The following MICALL2 variants were observed in gnomAD, a reference collection of about 807,000 sequenced individuals.
MICALL2 encodes the protein MICAL-like protein 2.
A neutral mutation model predicts 91.1 loss-of-function variants in MICALL2; 111 were observed. The observed-to-expected ratio is 1.22, with a 90% CI of 1.04 to 1.43. The LOEUF (loss-of-function observed/expected upper bound fraction) is 1.43, where lower values mean the gene tolerates loss of function less well. MICALL2 is among the 40% of genes most tolerant of loss of function. MICALL2 has a pLI of 0.00. For missense variants in MICALL2, 1,556 were observed against 1,236.0 expected, an observed-to-expected ratio of 1.26 and a Z score of -3.88; for synonymous variants, 694 against 525.3, an observed-to-expected ratio of 1.32 and a Z score of -4.39.
chr7:1,449,967 T>C (rs754639233), intron 2 of MICALL2, among the ~76,000 whole-genome samples: 2 of 151,994 alleles, frequency 1.3e-5, no homozygotes, highest in Admixed American at 6.5e-5. Context: ...TGCAGTGAAG[T>C]AGGGTCCCCA....
rs1295768328 is a variant in MICALL2 at position 1,445,433 on chromosome 7, G to A, written c.642-5C>T. The A allele has an allele frequency of 2.2e-5, 34 of 1,524,760 alleles. 1 individual carries two copies. Among genetic ancestry groups the A allele is most frequent in the East Asian group, 4.9e-5 (2 of 40,792 alleles). The allele number at this position is 1,524,760 out of a possible 1,614,324, so 94.5% of individuals were successfully genotyped here. On this transcript the variant is annotated splice_polypyrimidine_tract_variant and splice_region_variant and intron_variant, in intron 5 of 16. Coordinates refer to ENST00000297508, the MANE Select transcript of MICALL2 (RefSeq NM_182924.4). ...GTGCAGGAGCACTGCTTACACCTGG[G>A]GGAGGAAAGGCACAGGAGCCCCAGC... is the stretch of plus-strand genomic sequence containing the variant.
In MICALL2 at chr7:1,459,280, T is replaced by C; in HGVS notation, c.47A>G (p.Glu16Gly). The change falls in exon 1 of 17, where the codon GAG becomes GGG. Residue 16 changes from glutamate to glycine, a missense_variant. Physicochemically the swap from Glu to Gly is moderately conservative, Grantham distance 98. Transcript: ENST00000297508. ...GCAGATATTCACGTCGCGGTAGCCC[T>C]CGCACTGCTGCCGGCACCACTGTTG... Reference protein sequence around the residue: ...ALQQWCRQQCEGYRDVNICNM... With the variant: ...ALQQWCRQQCGGYRDVNICNM... 1 of 1,605,162 alleles carries C rather than the reference T, an allele frequency of 6.2e-7. No individual in the cohort carries two copies. Among genetic ancestry groups the C allele is most frequent in the Non-Finnish European group, 8.5e-7 (1 of 1,176,742 alleles).
intron 1 of MICALL2, among the ~76,000 whole-genome samples, chr7:1,454,121 C>T (rs528734341): frequency 3.3e-4 from 50 of 151,028 alleles, no homozygotes; most frequent in South Asian, 1.0e-3. Flanking sequence ...CCTGGGTGGC[C>T]GACATCACAC....
chr7:1,448,912 G>A lies in MICALL2; in HGVS notation c.193-151C>T, dbSNP rs188555985. 2.4e-4 allele frequency: 209 copies of A among 877,642 alleles called. No individual in the cohort carries two copies. The African/African-American group carries it at 2.9e-3, about 12-fold the overall frequency. 54.4% of individuals were successfully genotyped at this position (877,642 alleles called of 1,614,324 possible). On this transcript the variant is annotated intron_variant, in intron 2 of 16. Coordinates refer to ENST00000297508, the MANE Select transcript of MICALL2 (RefSeq NM_182924.4). ...CTGAGTTCTGCTCGCGTGGCCTCCC[G>A]GCCTCAGCTTACCCATCATTGCAGC...
chr7:1,439,752 AC>A lies in MICALL2; in HGVS notation c.1966+172del, dbSNP rs200159588. Reference sequence around the variant, plus strand: ...GAACACATGCACACATGCATCACACACATGCACACATGTACACACAAGCCTG... The same window carrying A: ...GAACACATGCACACATGCATCACACAATGCACACATGTACACACAAGCCTG... On this transcript the variant is annotated intron_variant, in intron 9 of 16. Transcript: ENST00000297508. 3.0e-3 allele frequency: 1,465 copies of A among 481,142 alleles called. 23 individuals carry two copies. The highest frequency in any genetic ancestry group is 0.027 in the African/African-American group (1,317 of 49,350). 29.8% of individuals were successfully genotyped at this position (481,142 alleles called of 1,614,324 possible). A position where few individuals can be genotyped will look rare whatever the true frequency, so the allele number is the denominator to read the frequency against.
At position 1,446,744 on chromosome 7, in the gene MICALL2, C is replaced by T. The variant is rs148203938; in HGVS notation, c.610G>A (p.Asp204Asn). Residue 204 changes from aspartate to asparagine, a missense_variant, in exon 5 of 17, where the codon GAC (aspartate) becomes AAC (asparagine). By Grantham distance (23) the Asp-to-Asn change is conservative (BLOSUM62 1). Transcript: ENST00000297508. ...CAGCTCCGGTGGTAAAGCCTCCCGT[C>T]GGCCAGGTGCCGCTGTACCAGGTGC... The part of the protein sequence containing the change: ...HVHLVQRHLA[D>N]GRLYHRSCFR... The T allele has an allele frequency of 1.5e-5, 24 of 1,606,628 alleles. No homozygotes were observed. The highest frequency in any genetic ancestry group is 3.4e-5 in the Admixed American group (2 of 59,510).
chr7:1,441,138 CCT>C (rs1390192395), intron 7 of MICALL2: 5 of 178,182 alleles, frequency 2.8e-5, no homozygotes, highest in East Asian at 2.7e-4. Context: ...CAGCTTGTTC[CCT>C]GAGCCCAGCT....
intron 5 of MICALL2, 43 bp from the exon 6 acceptor site, chr7:1,445,471 A>C (rs768744082): frequency 1.4e-6 from 2 of 1,436,706 alleles, no homozygotes. Context: ...GGCACCGCCC[A>C]CCCCGCCACG....
chr7:1,447,109 G>A (rs762393125), intron 4 of MICALL2, among the ~76,000 whole-genome samples: 9 of 152,136 alleles, frequency 5.9e-5, no homozygotes, highest in Non-Finnish European at 1.2e-4. Context: ...CCCATTAGGG[G>A]CATGGATCCC....
intron 10 of MICALL2, 191 bp from the exon 11 acceptor site, chr7:1,438,544 C>G (rs1780099420): frequency 7.0e-7 from 1 of 1,429,026 alleles, no homozygotes; most frequent in African/African-American, 1.4e-5. Context: ...AGGCCCAGCC[C>G]CACCCTGCAC....
rs949704167 is a variant in MICALL2 at position 1,438,079 on chromosome 7, C to T, written c.2311+18G>A. 2.5e-6 allele frequency: 4 copies of T among 1,570,978 alleles called. No individual in the cohort carries two copies. The highest frequency in any genetic ancestry group is 2.7e-5 in the African/African-American group (2 of 74,130). On this transcript the variant is annotated intron_variant, in intron 12 of 16. Coordinates refer to ENST00000297508, the MANE Select transcript of MICALL2 (RefSeq NM_182924.4). Reference sequence around the variant, plus strand: ...CTGTGGGAGTCGGGCTGGCCCAGGGCCAGGCCGAGGCGCTCACCTCCCTCG... The same window carrying T: ...CTGTGGGAGTCGGGCTGGCCCAGGGTCAGGCCGAGGCGCTCACCTCCCTCG...
At position 1,436,809 on chromosome 7, in the gene MICALL2, C is replaced by A; in HGVS notation, c.2524G>T (p.Glu842Ter). ...QERRREQELL[E>*]QYVSTVNDRS... ...TCGTTCACGGTGCTCACGTACTGCT[C>A]CAGCAGCTCCTGCTCCCGCCGCCGC... The change falls in exon 15 of 17, where the codon GAG becomes TAG. Residue 842 changes from glutamate to a stop codon, truncating the protein, a stop_gained. Coordinates refer to ENST00000297508, the MANE Select transcript of MICALL2 (RefSeq NM_182924.4). LOFTEE classifies it high-confidence loss of function. 3.1e-6 allele frequency: 5 copies of A among 1,607,192 alleles called. No individual in the cohort carries two copies. The highest frequency in any genetic ancestry group is 4.2e-6 in the Non-Finnish European group (5 of 1,177,996).
intron 10 of MICALL2, 66 bp downstream of exon 10, chr7:1,438,774 T>C (rs893474286): frequency 3.9e-6 from 6 of 1,533,854 alleles, no homozygotes; most frequent in South Asian, 2.4e-5. Context: ...CCAGCAGGCA[T>C]TGCCTCCTCA....
intron 14 of MICALL2, chr7:1,437,186 G>A (rs1780013257): frequency 2.1e-6 from 1 of 484,544 alleles, no homozygotes; most frequent in African/African-American, 2.1e-5. Context: ...CCTCAGCCAG[G>A]GCACCCTGCA....
intron 1 of MICALL2, among the ~76,000 whole-genome samples, chr7:1,457,064 T>C (rs902827950): frequency 2.0e-5 from 3 of 152,190 alleles, no homozygotes; most frequent in Non-Finnish European, 2.9e-5. Context: ...GGGAGGGTCC[T>C]TCCTGCCTCT....
chr7:1,435,276 CCTG>C (rs1261548962), intron 15 of MICALL2, 129 bp from the exon 16 acceptor site: 6 of 867,650 alleles, frequency 6.9e-6, no homozygotes, highest in Admixed American at 4.0e-5. Context: ...CCTGCCCCTT[CCTG>C]CTGACAGGCC....
At chr7:1,437,378 A>AAGTACCTT in intron 14 of MICALL2, 157 bp downstream of exon 14, 2 of 570,808 alleles carry the variant, frequency 3.5e-6, no homozygotes, top group Non-Finnish European at 6.0e-6. Context: ...CACAGCCAGG[A>AAGTACCTT]GGTGGGAGAT....
Position 1,445,196 on chromosome 7 carries a change from C to A in MICALL2, c.874G>T (p.Gly292Cys), listed in dbSNP as rs1780514964. 3 of 1,597,670 alleles carry A rather than the reference C, an allele frequency of 1.9e-6. No individual in the cohort carries two copies. The African/African-American group carries it at 4.0e-5, about 21-fold the overall frequency. The change falls in exon 6 of 17, where the codon GGC becomes TGC. Residue 292 changes from glycine to cysteine, a missense_variant. By Grantham distance (159) the Gly-to-Cys change is radical. Coordinates refer to ENST00000297508, the MANE Select transcript of MICALL2 (RefSeq NM_182924.4). ...ARPSAWEPAAGNSPARASVPA... is the reference protein window; with the variant it reads ...ARPSAWEPAACNSPARASVPA... ...ACGGAAGCCCTGGCAGGCGAGTTGC[C>A]CGCAGCAGGCTCCCAGGCCGACGGT... is the stretch of plus-strand genomic sequence containing the variant.
rs371119662 is a variant in MICALL2 at position 1,450,146 on chromosome 7, CAGGGCCTGGGGGG to C, written c.192+81_192+93del. 2.1e-5 allele frequency: 20 copies of C among 944,564 alleles called. 1 individual carries two copies. The highest frequency in any genetic ancestry group is 1.5e-4 in the African/African-American group (9 of 61,892). 58.5% of individuals were successfully genotyped at this position (944,564 alleles called of 1,614,324 possible). A position where few individuals can be genotyped will look rare whatever the true frequency, so the allele number is the denominator to read the frequency against. On this transcript the variant is annotated intron_variant, in intron 2 of 16. Transcript: ENST00000297508. The stretch of plus-strand genomic sequence containing the variant: ...CCAGGCAGGACTCCCAAGGCAGGTG[CAGGGCCTGGGGGG>C]AGTCCCTCGGTCCCTCGGACGTGGG...
Sources: gnomAD v4.1 joint callset for allele counts (sites outside exome capture counted in the v4.1 genomes callset) on GRCh38, gnomAD v4.1.1 for gene constraint, MANE v1.5 for transcripts, NCBI Gene and HGNC (gene_info 2026-07-23, HGNC 2026-07-21) for gene names.